Variants in SEMA3C observed in about 807,000 individuals in gnomAD.
SEMA3C encodes the protein semaphorin 3C.
A neutral mutation model predicts 89.4 loss-of-function variants in SEMA3C; 47 were observed. The ratio of observed to expected loss-of-function variants is 0.53; its 90% CI spans 0.42 to 0.67. SEMA3C has a LOEUF of 0.67. Ranked by LOEUF, SEMA3C falls within the 30% of genes least tolerant of loss-of-function variation. SEMA3C has a pLI of 0.00. For missense variants in SEMA3C, 839 were observed against 929.1 expected, an observed-to-expected ratio of 0.90 and a Z score of 1.26; for synonymous variants, 310 against 320.2, an observed-to-expected ratio of 0.97 and a Z score of 0.34.
At chr7:80,797,738 G>A (rs538943124) in intron 11 of SEMA3C, among the ~76,000 whole-genome samples, 1 of 152,176 alleles carries the variant, frequency 6.6e-6, no homozygotes, top group South Asian at 2.1e-4. Flanking sequence ...GGTGGCTCAC[G>A]CCTGTAATCC....
intron 2 of SEMA3C, among the ~76,000 whole-genome samples, chr7:80,911,469 A>G (rs191460045): frequency 6.3e-4 from 96 of 152,360 alleles, no homozygotes; most frequent in African/African-American, 2.2e-3. Flanking sequence ...TTTTATCAAT[A>G]TATGTGAACA....
intron 2 of SEMA3C, among the ~76,000 whole-genome samples, chr7:80,890,960 A>G (rs1387929127): frequency 5.3e-5 from 8 of 152,256 alleles, no homozygotes; most frequent in Admixed American, 2.0e-4. Context: ...ATAAGATTTA[A>G]TGAATATTGG....
chr7:80,862,345 G>A (rs886340886), intron 2 of SEMA3C, among the ~76,000 whole-genome samples: 1 of 151,798 alleles, frequency 6.6e-6, no homozygotes, highest in Admixed American at 6.6e-5. Flanking sequence ...TTCAATAGCT[G>A]CAAAAAAACA....
intron 12 of SEMA3C, among the ~76,000 whole-genome samples, chr7:80,778,544 AT>A (rs1788619720): frequency 6.6e-6 from 1 of 152,188 alleles, no homozygotes; most frequent in South Asian, 2.1e-4. Context: ...AACCACATAC[AT>A]AAACTGGCCT....
intron 13 of SEMA3C, 93 bp from the exon 14 acceptor site, chr7:80,761,750 A>G (rs1788187823): frequency 2.9e-6 from 2 of 700,290 alleles, no homozygotes; most frequent in Admixed American, 6.8e-5. Context: ...TCAAGAAGAA[A>G]TCACTTTTCT....
At chr7:80,905,296 G>C (rs957789604) in intron 2 of SEMA3C, among the ~76,000 whole-genome samples, 2 of 48,776 alleles carry the variant, frequency 4.1e-5, no homozygotes, top group Non-Finnish European at 8.3e-5. Context: ...GGGAGAGAGG[G>C]GGAGAGAGGG....
chr7:80,801,280 A>G (rs1456406768), intron 9 of SEMA3C, among the ~76,000 whole-genome samples: 1 of 152,052 alleles, frequency 6.6e-6, no homozygotes, highest in African/African-American at 2.4e-5. Flanking sequence ...TTTCTTTTTG[A>G]TCTAATCTTA....
intron 8 of SEMA3C, 64 bp from the exon 9 acceptor site, chr7:80,802,843 C>T (rs976112501): frequency 2.9e-5 from 35 of 1,195,210 alleles, no homozygotes; most frequent in East Asian, 2.6e-4. Flanking sequence ...ATTAAAAATT[C>T]GACTTGTACT....
chr7:80,826,664 G>T (rs6651126), intron 4 of SEMA3C, among the ~76,000 whole-genome samples: 1 of 152,068 alleles, frequency 6.6e-6, no homozygotes, highest in Non-Finnish European at 1.5e-5. Flanking sequence ...TGAAAGACAG[G>T]GTGATTTTGA....
chr7:80,826,445 G>A (rs1789875031), intron 4 of SEMA3C, among the ~76,000 whole-genome samples: 1 of 152,080 alleles, frequency 6.6e-6, no homozygotes, highest in African/African-American at 2.4e-5. Context: ...TTCTAAATTA[G>A]TTTGTATATC....
At chr7:80,881,164 A>AC (rs1791328973) in intron 2 of SEMA3C, among the ~76,000 whole-genome samples, 24 of 135,434 alleles carry the variant, frequency 1.8e-4, no homozygotes, top group Non-Finnish European at 1.8e-4. Context: ...TGGAGAAAGA[A>AC]ACACACACAC....
intron 11 of SEMA3C, among the ~76,000 whole-genome samples, chr7:80,797,362 T>A (rs1036166564): frequency 7.2e-5 from 11 of 152,134 alleles, no homozygotes; most frequent in African/African-American, 2.7e-4. Flanking sequence ...CAGTGCACTG[T>A]CTGTATCTTC....
At chr7:80,764,066 T>C (rs536676971) in intron 13 of SEMA3C, among the ~76,000 whole-genome samples, 2 of 152,346 alleles carry the variant, frequency 1.3e-5, no homozygotes, top group African/African-American at 4.8e-5. Context: ...TAAAATGTAT[T>C]ACCTAAATCT....
chr7:80,765,099 T>C, intron 13 of SEMA3C, 56 bp downstream of exon 13: 2 of 1,209,506 alleles, frequency 1.7e-6, no homozygotes, highest in Non-Finnish European at 2.4e-6. Flanking sequence ...GGCTGTAAGA[T>C]TAAAGAATTC....
At position 80,758,360 on chromosome 7, in the gene SEMA3C, G is replaced by A. The variant is rs762789903; in HGVS notation, c.1614C>T (p.Ser538=). 1.9e-6 allele frequency: 3 copies of A among 1,613,844 alleles called. No homozygotes were observed. Among genetic ancestry groups the A allele is most frequent in the Non-Finnish European group, 2.5e-6 (3 of 1,179,922 alleles). The change falls in exon 15 of 18, where the codon TCC becomes TCT. Residue 538 remains serine (S), a synonymous_variant. Coordinates refer to ENST00000265361, the MANE Select transcript of SEMA3C (RefSeq NM_006379.5). ...RDPYCAWDGH[S]CSRFYPTGKR... The stretch of plus-strand genomic sequence containing the variant: ...TCCCAGTTGGGTAGAATCTGGAACA[G>A]GAATGGCCATCCCAGGCGCAATAAG...
At chr7:80,813,530 C>G (rs1478608936) in intron 5 of SEMA3C, among the ~76,000 whole-genome samples, 1 of 152,316 alleles carries the variant, frequency 6.6e-6, no homozygotes, top group South Asian at 2.1e-4. Flanking sequence ...ACTAAACACA[C>G]AAATATCATA....
rs755542523 is a variant in SEMA3C, at chr7:80,798,063, A to T, written c.1131+29T>A. 10 of 1,581,158 alleles carry T rather than the reference A, an allele frequency of 6.3e-6. No individual in the cohort carries two copies. In the South Asian group the frequency reaches 1.2e-4, roughly 19 times the overall value. ...GTTAAATGAGTTTTTATAAAGCATCATAACAAAGAATTTTCCCTGGATACT... is the reference window on the plus strand; with the variant it reads ...GTTAAATGAGTTTTTATAAAGCATCTTAACAAAGAATTTTCCCTGGATACT... On this transcript the variant is annotated intron_variant, in intron 11 of 17. Transcript: ENST00000265361.
chr7:80,854,395 G>C (rs918583136), intron 2 of SEMA3C, among the ~76,000 whole-genome samples: 1 of 152,192 alleles, frequency 6.6e-6, no homozygotes, highest in African/African-American at 2.4e-5. Context: ...CTCTTGCCAA[G>C]TGGAGGTGCT....
At position 80,898,646 on chromosome 7, in the gene SEMA3C, C is replaced by G. The variant is rs75819006; in HGVS notation, c.103+18033G>C. Among the ~76,000 whole-genome samples the G allele has an allele frequency of 2.7e-3, 413 of 152,150 alleles. 3 individuals are homozygous for G. The highest frequency in any genetic ancestry group is 9.0e-3 in the African/African-American group (375 of 41,466). On this transcript the variant is annotated intron_variant, in intron 2 of 17. Coordinates refer to ENST00000265361, the MANE Select transcript of SEMA3C (RefSeq NM_006379.5). ...TGGGAATCAGGCTTCCATAATCACTCTGTATTGAGAATCAGGACACGCAGG... is the reference window on the plus strand; with the variant it reads ...TGGGAATCAGGCTTCCATAATCACTGTGTATTGAGAATCAGGACACGCAGG...
Sources: allele counts gnomAD v4.1 joint callset (sites outside exome capture counted in the v4.1 genomes callset), GRCh38; gene constraint gnomAD v4.1.1; transcripts MANE v1.5; gene names NCBI Gene and HGNC (gene_info 2026-07-23, HGNC 2026-07-21).